Variants in CDR2 observed in about 807,000 individuals in gnomAD.
The protein encoded by CDR2 is cerebellar degeneration-related protein 2.
Under a neutral mutation model 48.4 loss-of-function variants are expected in CDR2, and 34 were observed. The observed-to-expected ratio is 0.70, with a 90% confidence interval of 0.53 to 0.94. The LOEUF (loss-of-function observed/expected upper bound fraction) is 0.94, where lower values mean the gene tolerates loss of function less well. Among genes scored for constraint, CDR2 ranks in the 40% least tolerant of loss-of-function variants. CDR2 has a pLI of 0.00. For synonymous variants in CDR2, 240 were observed against 219.7 expected (o/e 1.09, Z -0.82); for missense variants, 498 against 549.5 (o/e 0.91, Z 0.94).
In CDR2 at chr16:22,346,383, A is replaced by G. The variant is rs1202138644; in HGVS notation, c.*582T>C. On this transcript the variant is annotated 3_prime_UTR_variant, in exon 5 of 5. Transcript: ENST00000268383. ...ATTTGGTATTCAGTTGGATTTGGAT[A>G]TATTAGGATTACCTGTCAGTCACAG... The G allele has an allele frequency of 3.3e-5, 5 of 153,654 alleles. No homozygotes were observed. The highest frequency in any genetic ancestry group is 2.4e-5 in the African/African-American group (1 of 41,472). 9.5% of individuals were successfully genotyped at this position (153,654 alleles called of 1,614,324 possible).
intron 1 of CDR2, among the ~76,000 whole-genome samples, chr16:22,367,326 C>A (rs1336306874): frequency 3.3e-5 from 5 of 152,188 alleles, no homozygotes; most frequent in Non-Finnish European, 5.9e-5. Flanking sequence ...CTGTGCCCAG[C>A]CTAGGGCCCA....
rs2048927850 is a variant in CDR2 at position 22,349,437 on chromosome 16, A to T, written c.348T>A (p.Thr116=). Residue 116 remains threonine (T), a synonymous_variant, in exon 4 of 5, where the codon ACT becomes ACA. Transcript: ENST00000268383. ...KASQQKILSL[T]ETIECLQTNI... is the part of the protein sequence containing the mutation. Reference sequence around the variant, plus strand: ...TGGTTTGCAGGCATTCAATCGTTTCAGTCAGGCTGTGAGGAACAGACAGAA... The same window carrying T: ...TGGTTTGCAGGCATTCAATCGTTTCTGTCAGGCTGTGAGGAACAGACAGAA... 5 of 1,614,050 alleles carry T rather than the reference A, an allele frequency of 3.1e-6. No individual in the cohort carries two copies. Among genetic ancestry groups the T allele is most frequent in the Non-Finnish European group, 4.2e-6 (5 of 1,180,034 alleles).
rs1431091564 is a variant in CDR2, at chr16:22,374,365, G to GCCCCGGGCTCTT, written c.-68_-57dup. 3 of 1,307,622 alleles carry GCCCCGGGCTCTT rather than the reference G, an allele frequency of 2.3e-6. No individual in the cohort carries two copies. The African/African-American group carries it at 4.6e-5, about 20-fold the overall frequency. 81.0% of individuals were successfully genotyped at this position (1,307,622 alleles called of 1,614,324 possible). ...CCGCCGCCGTCCCGCCTCAGCCGCT[G>GCCCCGGGCTCTT]CCCCGGGCTCTTCCCCGGCCCCTCC... On this transcript the variant is annotated 5_prime_UTR_variant, in exon 1 of 5. Transcript: ENST00000268383.
intron 1 of CDR2, among the ~76,000 whole-genome samples, chr16:22,369,744 C>T (rs1452264509): frequency 2.0e-5 from 3 of 151,068 alleles, no homozygotes; most frequent in Non-Finnish European, 4.5e-5. Context: ...CTTCCATAAC[C>T]AAAAGAGGCC....
chr16:22,347,745 A>C lies in CDR2; in HGVS notation c.585T>G (p.Asn195Lys), dbSNP rs373272674. Residue 195 changes from asparagine to lysine, a missense_variant, in exon 5 of 5, where the codon AAT becomes AAG. Asn to Lys is a moderately conservative substitution (Grantham distance 94). Coordinates refer to ENST00000268383, the MANE Select transcript of CDR2 (RefSeq NM_001802.2). ...QGQPSPDEEE[N>K]EHLKKTVTML... Reference sequence around the variant, plus strand: ...TTGTCACTGTTTTTTTCAAGTGCTCATTTTCCTCTTCATCAGGGCTTGGCT... The same window carrying C: ...TTGTCACTGTTTTTTTCAAGTGCTCCTTTTCCTCTTCATCAGGGCTTGGCT... The C allele has an allele frequency of 4.3e-6, 7 of 1,613,424 alleles. No individual in the cohort carries two copies. The highest frequency in any genetic ancestry group is 5.1e-6 in the Non-Finnish European group (6 of 1,179,950).
intron 2 of CDR2, among the ~76,000 whole-genome samples, chr16:22,360,315 C>T (rs1567347323): frequency 6.6e-6 from 1 of 152,100 alleles, no homozygotes; most frequent in Non-Finnish European, 1.5e-5. Context: ...GTAAGACAGG[C>T]TACAGGCTTC....
At chr16:22,353,822 A>C (rs189629324) in intron 2 of CDR2, among the ~76,000 whole-genome samples, 1 of 152,344 alleles carries the variant, frequency 6.6e-6, no homozygotes, top group East Asian at 1.9e-4. Flanking sequence ...CATATAAATG[A>C]AATAGATATG....
intron 2 of CDR2, among the ~76,000 whole-genome samples, 175 bp from the exon 3 acceptor site, chr16:22,350,024 A>G (rs575587248): frequency 1.3e-5 from 2 of 152,270 alleles, no homozygotes; most frequent in South Asian, 4.1e-4. Flanking sequence ...CCCCGTCTCC[A>G]CTAAAAATAC....
In CDR2 at chr16:22,347,501, C is replaced by T. The variant is rs778842794; in HGVS notation, c.829G>A (p.Asp277Asn). ...FVNGVEKLVP[D>N]SLYVPFKEPS... ...TCTTTGAAAGGAACATACAGAGAGT[C>T]TGGCACCAGCTTCTCAACTCCATTC... The change falls in exon 5 of 5, where the codon GAC becomes AAC. Residue 277 changes from aspartate to asparagine, a missense_variant. By Grantham distance (23) the Asp-to-Asn change is conservative. Coordinates refer to ENST00000268383, the MANE Select transcript of CDR2 (RefSeq NM_001802.2). The T allele has an allele frequency of 6.2e-7, 1 of 1,614,086 alleles. No individual in the cohort carries two copies. The highest frequency in any genetic ancestry group is 8.5e-7 in the Non-Finnish European group (1 of 1,180,040).
At chr16:22,356,716 G>A (rs567257023) in intron 2 of CDR2, among the ~76,000 whole-genome samples, 1 of 152,178 alleles carries the variant, frequency 6.6e-6, no homozygotes, top group African/African-American at 2.4e-5. Context: ...TCACGCCACT[G>A]CACTCCAGCC....
intron 2 of CDR2, among the ~76,000 whole-genome samples, chr16:22,361,897 C>CTTTT (rs11303236): frequency 1.5e-5 from 1 of 68,150 alleles, no homozygotes; most frequent in African/African-American, 5.7e-5. Flanking sequence ...GAATTTTATA[C>CTTTT]TTTTTTTTTT....
At chr16:22,353,976 A>G (rs1320203710) in intron 2 of CDR2, among the ~76,000 whole-genome samples, 1 of 152,234 alleles carries the variant, frequency 6.6e-6, no homozygotes, top group Non-Finnish European at 1.5e-5. Context: ...TAATATATGT[A>G]GAGAGCTCAG....
chr16:22,360,457 G>A (rs1194609277), intron 2 of CDR2, among the ~76,000 whole-genome samples: 2 of 152,074 alleles, frequency 1.3e-5, no homozygotes, highest in African/African-American at 4.8e-5. Flanking sequence ...TTTTTAGGAG[G>A]ATTGTTTGAA....
intron 1 of CDR2, among the ~76,000 whole-genome samples, chr16:22,373,963 A>C (rs2049097938): frequency 6.6e-6 from 1 of 152,148 alleles, no homozygotes; most frequent in Non-Finnish European, 1.5e-5. Flanking sequence ...AATCCACGGA[A>C]AGCGCTTAAA....
chr16:22,369,820 T>C (rs939756433), intron 1 of CDR2, among the ~76,000 whole-genome samples: 2 of 151,846 alleles, frequency 1.3e-5, no homozygotes, highest in African/African-American at 2.4e-5. Flanking sequence ...ATATTGAATG[T>C]CCCTTATAGT....
At chr16:22,354,983 C>G (rs2048965285) in intron 2 of CDR2, among the ~76,000 whole-genome samples, 2 of 152,154 alleles carry the variant, frequency 1.3e-5, no homozygotes, top group Admixed American at 6.5e-5. Context: ...CCCACGTACC[C>G]ATCAACCAGT....
intron 2 of CDR2, among the ~76,000 whole-genome samples, 155 bp from the exon 3 acceptor site, chr16:22,350,004 C>T (rs2048932070): frequency 6.6e-6 from 1 of 152,094 alleles, no homozygotes; most frequent in Admixed American, 6.5e-5. Context: ...GCCTGACCAA[C>T]ATGCTGAAAC....
chr16:22,365,915 A>G (rs2049042351), intron 1 of CDR2, among the ~76,000 whole-genome samples: 1 of 152,164 alleles, frequency 6.6e-6, no homozygotes, highest in African/African-American at 2.4e-5. Flanking sequence ...TTACCAGAAC[A>G]CTTTCAATAT....
chr16:22,369,302 G>GA (rs1173634102), intron 1 of CDR2, among the ~76,000 whole-genome samples: 6 of 117,358 alleles, frequency 5.1e-5, no homozygotes, highest in Middle Eastern at 3.5e-3. Context: ...AAAAAAAAAA[G>GA]AAAAAAAACA....
Sources: allele counts gnomAD v4.1 joint callset (sites outside exome capture counted in the v4.1 genomes callset), GRCh38; gene constraint gnomAD v4.1.1; transcripts MANE v1.5; gene names NCBI Gene and HGNC (gene_info 2026-07-23, HGNC 2026-07-21).